PITPNC1: variants seen among roughly 807,000 people sequenced by gnomAD.
PITPNC1 encodes cytoplasmic phosphatidylinositol transfer protein 1.
In PITPNC1, 18 loss-of-function variants were observed where a neutral mutation model predicts 44.7. That is an observed-to-expected ratio of 0.40 (90% CI 0.28 to 0.60). PITPNC1 has a LOEUF of 0.60. Among genes scored for constraint, PITPNC1 ranks in the 20% least tolerant of loss-of-function variants. The pLI is 0.39. For missense variants in PITPNC1, 290 were observed against 418.4 expected (o/e 0.69, Z 2.68); for synonymous variants, 141 against 149.6 (o/e 0.94, Z 0.42).
intron 1 of PITPNC1, among the ~76,000 whole-genome samples, chr17:67,482,346 TAG>T (rs778604162): frequency 1.3e-5 from 2 of 152,234 alleles, no homozygotes; most frequent in Non-Finnish European, 1.5e-5. Context: ...CCAAAAAGCA[TAG>T]AGAGTTTTTT....
chr17:67,417,363 C>T (rs2038604520), intron 1 of PITPNC1, among the ~76,000 whole-genome samples: 1 of 152,000 alleles, frequency 6.6e-6, no homozygotes, highest in Admixed American at 6.6e-5. Flanking sequence ...CTCCTGGCCT[C>T]AAGCGATCCT....
intron 1 of PITPNC1, among the ~76,000 whole-genome samples, chr17:67,465,262 G>A (rs1298678926): frequency 1.3e-5 from 2 of 152,222 alleles, no homozygotes; most frequent in Non-Finnish European, 2.9e-5. Context: ...GGAAGCCCCA[G>A]GAGGAGCAGA....
chr17:67,693,880 T>TAAC lies in PITPNC1; in HGVS notation c.*994_*996dup, dbSNP rs1355522384. On this transcript the variant is annotated 3_prime_UTR_variant, in exon 9 of 9. Transcript: ENST00000581322. The stretch of plus-strand genomic sequence containing the variant: ...ATCCCCTTCCTTGTTTTACTCTTAG[T>TAAC]AACATCCAGAATTCCCTGGAACAGA... 6.6e-6 allele frequency: 1 copy of TAAC among 152,192 alleles called. No homozygotes were observed. Among genetic ancestry groups the TAAC allele is most frequent in the Admixed American group, 6.5e-5 (1 of 15,280 alleles). The allele number at this position is 152,192 out of a possible 1,614,324, so 9.4% of individuals were successfully genotyped here.
In PITPNC1 at chr17:67,583,853, G is replaced by A. The variant is rs573510501; in HGVS notation, c.366+5596G>A. On this transcript the variant is annotated intron_variant, in intron 5 of 8. Transcript: ENST00000581322. ...TGGGAGTACAGGCGCCCGCCACCACGCCTGGCTAATTTTGTGTGTGTGTGT... is the reference window on the plus strand; with the variant it reads ...TGGGAGTACAGGCGCCCGCCACCACACCTGGCTAATTTTGTGTGTGTGTGT... Among the ~76,000 whole-genome samples, 226 of 148,580 alleles carry A rather than the reference G, an allele frequency of 1.5e-3. 1 individual carries two copies. Among genetic ancestry groups the A allele is most frequent in the African/African-American group, 5.5e-3 (217 of 39,532 alleles).
intron 1 of PITPNC1, among the ~76,000 whole-genome samples, chr17:67,497,018 CGGGAGGCTGAGGT>C (rs1328511967): frequency 6.6e-6 from 1 of 151,778 alleles, no homozygotes; most frequent in Non-Finnish European, 1.5e-5. Context: ...CCCAGCTACT[CGGGAGGCTGAGGT>C]GGGAGGATCG....
chr17:67,636,907 C>T (rs1031441742), intron 6 of PITPNC1, among the ~76,000 whole-genome samples: 1 of 152,184 alleles, frequency 6.6e-6, no homozygotes, highest in Non-Finnish European at 1.5e-5. Flanking sequence ...GAAATCTGAC[C>T]TTGTTCTTTG....
At chr17:67,509,557 T>TAAAA (rs968819063) in intron 1 of PITPNC1, among the ~76,000 whole-genome samples, 13 of 135,104 alleles carry the variant, frequency 9.6e-5, no homozygotes, top group African/African-American at 3.4e-4. Flanking sequence ...TAAATTGAAT[T>TAAAA]AAAAATAAAT....
intron 1 of PITPNC1, among the ~76,000 whole-genome samples, chr17:67,529,200 G>A (rs1375549443): frequency 6.6e-6 from 1 of 152,162 alleles, no homozygotes; most frequent in African/African-American, 2.4e-5. Context: ...CAGCTGCCTC[G>A]GCCATTCCCA....
intron 6 of PITPNC1, among the ~76,000 whole-genome samples, chr17:67,656,222 T>A (rs1168646155): frequency 1.3e-5 from 2 of 152,140 alleles, no homozygotes; most frequent in Non-Finnish European, 2.9e-5. Context: ...GAGGTTTCAG[T>A]CACAGTTCTG....
At chr17:67,392,007 C>G (rs2038145495) in intron 1 of PITPNC1, among the ~76,000 whole-genome samples, 1 of 152,048 alleles carries the variant, frequency 6.6e-6, no homozygotes, top group Non-Finnish European at 1.5e-5. Flanking sequence ...ATTTCGTGCT[C>G]TAAAAAGAGA....
chr17:67,550,206 A>T (rs2040741330), intron 2 of PITPNC1, among the ~76,000 whole-genome samples: 6 of 152,182 alleles, frequency 3.9e-5, no homozygotes, highest in Admixed American at 3.9e-4. Context: ...CAGAGCAGCA[A>T]GAAGGATTGT....
At chr17:67,674,127 G>A (rs2042561306) in intron 7 of PITPNC1, among the ~76,000 whole-genome samples, 2 of 152,008 alleles carry the variant, frequency 1.3e-5, no homozygotes, top group African/African-American at 2.4e-5. Flanking sequence ...TGAGGAATGG[G>A]GTATCCATCC....
At chr17:67,401,849 AAAAAAAAAAG>A (rs990540685) in intron 1 of PITPNC1, among the ~76,000 whole-genome samples, 9 of 151,966 alleles carry the variant, frequency 5.9e-5, no homozygotes, top group Non-Finnish European at 1.3e-4. Flanking sequence ...CCTCAAAGAA[AAAAAAAAAAG>A]AAAAGAAAAG....
intron 6 of PITPNC1, among the ~76,000 whole-genome samples, chr17:67,635,049 A>G (rs184474720): frequency 2.6e-5 from 4 of 152,250 alleles, no homozygotes; most frequent in Non-Finnish European, 4.4e-5. Context: ...CACCACTGCA[A>G]TCCAGCCTGG....
intron 5 of PITPNC1, among the ~76,000 whole-genome samples, chr17:67,608,542 G>T (rs1215994739): frequency 6.7e-6 from 1 of 148,996 alleles, no homozygotes; most frequent in Non-Finnish European, 1.5e-5. Context: ...CCAGTCTGGA[G>T]TGCAATGGTG....
chr17:67,649,122 C>T (rs2042182180), intron 6 of PITPNC1, among the ~76,000 whole-genome samples: 1 of 152,202 alleles, frequency 6.6e-6, no homozygotes, highest in Admixed American at 6.5e-5. Flanking sequence ...CCACTGCACT[C>T]CAGCCTGGGT....
intron 5 of PITPNC1, among the ~76,000 whole-genome samples, chr17:67,585,451 AG>A (rs1351108419): frequency 6.6e-6 from 1 of 152,138 alleles, no homozygotes; most frequent in Non-Finnish European, 1.5e-5. Context: ...AGGCCATTAG[AG>A]TGGGTCCTAA....
intron 6 of PITPNC1, among the ~76,000 whole-genome samples, chr17:67,664,766 G>A (rs1303871858): frequency 2.0e-5 from 3 of 152,012 alleles, no homozygotes; most frequent in African/African-American, 4.8e-5. Context: ...TTAGCTGGGC[G>A]TGGTGGCGCA....
chr17:67,411,697 A>T (rs2038500288), intron 1 of PITPNC1, among the ~76,000 whole-genome samples: 1 of 152,132 alleles, frequency 6.6e-6, no homozygotes, highest in African/African-American at 2.4e-5. Context: ...GGTTATCATA[A>T]CTGGGGCACG....
Sources: gnomAD v4.1 joint callset for allele counts (sites outside exome capture counted in the v4.1 genomes callset) on GRCh38, gnomAD v4.1.1 for gene constraint, MANE v1.5 for transcripts, NCBI Gene and HGNC (gene_info 2026-07-23, HGNC 2026-07-21) for gene names.